The following DUOX1 variants were observed in gnomAD, a reference collection of about 807,000 sequenced individuals.
DUOX1 encodes the protein NADPH thyroid oxidase 1.
In DUOX1, 134 loss-of-function variants were observed where a neutral mutation model predicts 181.8. That is an observed-to-expected ratio of 0.74 (90% CI 0.64 to 0.85). DUOX1 has a LOEUF of 0.85. DUOX1 is among the 40% of genes least tolerant of loss of function. DUOX1 has a pLI of 0.00. For synonymous variants in DUOX1, 798 were observed against 832.5 expected (o/e 0.96, Z 0.71); for missense variants, 1,814 against 2,064.4 (o/e 0.88, Z 2.35).
At chr15:45,138,170 GGCA>G (rs1255819956) in intron 10 of DUOX1, among the ~76,000 whole-genome samples, 156 bp downstream of exon 10, 1 of 152,022 alleles carries the variant, frequency 6.6e-6, no homozygotes, top group African/African-American at 2.4e-5. Flanking sequence ...GGGTGAAGGA[GGCA>G]GCCTGGAGGA....
rs2141314663 is a variant in DUOX1, at chr15:45,163,700, C to T, written c.4404+13C>T. ...GACCACTATGCTGGTATGTCAGGGC[C>T]CACCAGGAGGGTATGCGGGCCACTG... On this transcript the variant is annotated intron_variant, in intron 32 of 33. Transcript: ENST00000389037. The T allele has an allele frequency of 6.2e-7, 1 of 1,614,054 alleles. No individual in the cohort carries two copies. Among genetic ancestry groups the T allele is most frequent in the African/African-American group, 1.3e-5 (1 of 75,014 alleles).
intron 16 of DUOX1, 52 bp from the exon 17 acceptor site, chr15:45,143,984 A>G (rs1459350426): frequency 6.3e-7 from 1 of 1,590,594 alleles, no homozygotes; most frequent in African/African-American, 1.3e-5. Context: ...TCTTCCTCCC[A>G]ATGTACCTCT....
At chr15:45,153,244 AAGAG>A in intron 25 of DUOX1, 132 bp from the exon 26 acceptor site, 3 of 451,044 alleles carry the variant, frequency 6.7e-6, no homozygotes, top group African/African-American at 4.2e-5. Context: ...AAAAAAAAAA[AAGAG>A]GTCAGAAGTC....
chr15:45,161,444 A>AGGAGGGAGGGAG (rs368654104), intron 29 of DUOX1, among the ~76,000 whole-genome samples: 1 of 76,504 alleles, frequency 1.3e-5, no homozygotes, highest in African/African-American at 3.6e-5. Context: ...AAAAAAAGGA[A>AGGAGGGAGGGAG]GGAGGGAGGG....
intron 12 of DUOX1, 120 bp downstream of exon 12, chr15:45,139,719 G>A (rs1896443752): frequency 8.9e-7 from 1 of 1,121,954 alleles, no homozygotes; most frequent in African/African-American, 1.6e-5. Context: ...GGAGGGGCAG[G>A]GCTTACCCAG....
chr15:45,139,811 C>T (rs1896445853), intron 12 of DUOX1: 1 of 637,918 alleles, frequency 1.6e-6, no homozygotes, highest in East Asian at 2.8e-5. Context: ...TGTTCAGATC[C>T]AGCAAGCGTG....
chr15:45,163,430 A>T, intron 31 of DUOX1, 102 bp from the exon 32 acceptor site: 1 of 1,515,964 alleles, frequency 6.6e-7, no homozygotes, highest in Non-Finnish European at 8.9e-7. Context: ...AGGGAAGGGC[A>T]CAAGCTAGCT....
At chr15:45,151,324 A>C in intron 23 of DUOX1, 76 bp downstream of exon 23, 1 of 1,566,182 alleles carries the variant, frequency 6.4e-7, no homozygotes, top group Non-Finnish European at 8.7e-7. Flanking sequence ...CCTTGGTGCC[A>C]GGCACTGTGC....
At chr15:45,136,239 A>T (rs1379009904) in intron 7 of DUOX1, 111 bp from the exon 8 acceptor site, 24 of 1,538,364 alleles carry the variant, frequency 1.6e-5, no homozygotes, top group Non-Finnish European at 2.0e-5. Context: ...TTCTCCCATG[A>T]CTGACCCTGG....
In DUOX1 at chr15:45,164,808, C is replaced by T; in HGVS notation, c.4563C>T (p.Gly1521=). Residue 1521 remains glycine, a synonymous_variant, in exon 34 of 34, where the codon GGC becomes GGT. Transcript: ENST00000389037. The stretch of plus-strand genomic sequence containing the variant: ...GGAAGATCGGGGTGTTTAGCTGTGG[C>T]CCCCCTGGCATGACCAAGAATGTGG... ...QVRKIGVFSC[G]PPGMTKNVEK... 5 of 1,613,950 alleles carry T rather than the reference C, an allele frequency of 3.1e-6. No homozygotes were observed. The highest frequency in any genetic ancestry group is 4.2e-6 in the Non-Finnish European group (5 of 1,179,864).
At chr15:45,163,278 A>G (rs1239930785) in intron 31 of DUOX1, among the ~76,000 whole-genome samples, 2 of 152,098 alleles carry the variant, frequency 1.3e-5, no homozygotes, top group African/African-American at 4.8e-5. Flanking sequence ...CACCCCACAG[A>G]CCATCAGCTC....
At position 45,151,124 on chromosome 15, in the gene DUOX1, C is replaced by T. The variant is rs1163701150; in HGVS notation, c.2890C>T (p.Pro964Ser). ...TATCTCTTACCATTCTTGTCTTAGT[C>T]CCTCTCCCAGAGTGAGTGCCCGCTG... is the stretch of plus-strand genomic sequence containing the variant. Reference protein sequence around the residue: ...ASYISQDMICPSPRVSARCSR... With the variant: ...ASYISQDMICSSPRVSARCSR... Residue 964 changes from proline to serine, a missense_variant and splice_region_variant, in exon 23 of 34, where the codon CCC becomes TCC. Physicochemically the swap from Pro to Ser is moderately conservative, Grantham distance 74. Around this residue, in one of 5 missense-constraint regions of DUOX1, gnomAD observed 1,064 missense variants for 1,152.9 expected, o/e 0.92. Coordinates refer to ENST00000389037, the MANE Select transcript of DUOX1 (RefSeq NM_175940.3). The T allele has an allele frequency of 6.2e-7, 1 of 1,613,906 alleles. No homozygotes were observed. The highest frequency in any genetic ancestry group is 1.3e-5 in the African/African-American group (1 of 74,900).
At chr15:45,162,631 C>T (rs1052188217) in intron 31 of DUOX1, among the ~76,000 whole-genome samples, 3 of 152,228 alleles carry the variant, frequency 2.0e-5, no homozygotes, top group African/African-American at 7.2e-5. Flanking sequence ...GTTAGGGGTG[C>T]TCCACATAGG....
chr15:45,139,870 T>G, intron 12 of DUOX1: 1 of 569,938 alleles, frequency 1.8e-6, no homozygotes, highest in Non-Finnish European at 3.1e-6. Context: ...CTATCTTATT[T>G]ACTGTTCTCT....
At chr15:45,137,790 A>G in intron 9 of DUOX1, 134 bp from the exon 10 acceptor site, 1 of 612,246 alleles carries the variant, frequency 1.6e-6, no homozygotes, top group Non-Finnish European at 2.8e-6. Flanking sequence ...AGGATGTGCT[A>G]AGGTCCGAAC....
chr15:45,145,681 G>A (rs1212502806), intron 18 of DUOX1, among the ~76,000 whole-genome samples: 1 of 152,070 alleles, frequency 6.6e-6, no homozygotes, highest in Non-Finnish European at 1.5e-5. Context: ...TTTGGGAGGC[G>A]GGGCAGGTGG....
rs769845290 is a variant in DUOX1, at chr15:45,164,812, C to G, written c.4567C>G (p.Pro1523Ala). The G allele has an allele frequency of 6.2e-7, 1 of 1,614,172 alleles. No homozygotes were observed. Among genetic ancestry groups the G allele is most frequent in the East Asian group, 2.2e-5 (1 of 44,882 alleles). Reference protein sequence around the residue: ...RKIGVFSCGPPGMTKNVEKAC... With the variant: ...RKIGVFSCGPAGMTKNVEKAC... ...GATCGGGGTGTTTAGCTGTGGCCCC[C>G]CTGGCATGACCAAGAATGTGGAAAA... The change falls in exon 34 of 34, where the codon CCT becomes GCT. Residue 1523 changes from proline (P) to alanine (A), a missense_variant. Around this residue, in one of 5 missense-constraint regions of DUOX1, gnomAD observed 124 missense variants for 125.7 expected, o/e 0.99. Transcript: ENST00000389037.
At chr15:45,144,567 T>C (rs1209992889) in intron 17 of DUOX1, among the ~76,000 whole-genome samples, 5 of 152,200 alleles carry the variant, frequency 3.3e-5, no homozygotes, top group Admixed American at 6.5e-5. Context: ...TATCTCAGGA[T>C]GTAGTGAATT....
In DUOX1 at chr15:45,165,151, A is replaced by G. The variant is rs1648312; in HGVS notation, c.*250A>G. 0.54 allele frequency: 293,163 copies of G among 543,486 alleles called. 85,772 individuals carry two copies. The highest frequency in any genetic ancestry group is 0.95 in the East Asian group (31,915 of 33,558). The allele number at this position is 543,486 out of a possible 1,614,324, so 33.7% of individuals were successfully genotyped here. A position where few individuals can be genotyped will look rare whatever the true frequency, so the allele number is the denominator to read the frequency against. Reference sequence around the variant, plus strand: ...AGAGTGAGAAGTAGGGGAGCTACTGATTTGGGGCAAAGTGAAACCTCTGCT... The same window carrying G: ...AGAGTGAGAAGTAGGGGAGCTACTGGTTTGGGGCAAAGTGAAACCTCTGCT... On this transcript the variant is annotated 3_prime_UTR_variant, in exon 34 of 34. Coordinates refer to ENST00000389037, the MANE Select transcript of DUOX1 (RefSeq NM_175940.3).
Sources: gnomAD v4.1 joint callset for allele counts (sites outside exome capture counted in the v4.1 genomes callset) on GRCh38, gnomAD v4.1.1 for gene constraint, gnomAD v4.1.1 regional missense constraint, MANE v1.5 for transcripts, NCBI Gene and HGNC (gene_info 2026-07-23, HGNC 2026-07-21) for gene names.